Variants in RGP1 observed in about 807,000 individuals in gnomAD.
The protein encoded by RGP1 is RAB6A-GEF complex partner protein 2.
Under a neutral mutation model 44.5 loss-of-function variants are expected in RGP1, and 28 were observed. The observed-to-expected ratio is 0.63, with a 90% CI of 0.47 to 0.86. The LOEUF (loss-of-function observed/expected upper bound fraction) is 0.86. RGP1 is among the 40% of genes least tolerant of loss of function. The pLI, the probability that RGP1 is intolerant of heterozygous loss-of-function variation, is 0.00. For missense variants in RGP1, 417 were observed against 490.7 expected, an observed-to-expected ratio of 0.85 and a Z score of 1.42; for synonymous variants, 212 against 196.7, an observed-to-expected ratio of 1.08 and a Z score of -0.65.
chr9:35,770,889 A>G, the RGP1 span, among the ~76,000 whole-genome samples: 1 of 152,226 alleles, frequency 6.6e-6, no homozygotes, highest in Non-Finnish European at 1.5e-5. Flanking sequence ...CCTGAACTCC[A>G]GGAAGTAGCA....
rs748186573 is a variant in RGP1, at chr9:35,749,748, G to A, written c.-8G>A. ...TTGTTTCCTTCTAGATCTGATTCCG[G>A]AGCTGCCATGATTGAAGTGGTAGCA... On this transcript the variant is annotated 5_prime_UTR_variant, in exon 2 of 9. Coordinates refer to ENST00000378078, the MANE Select transcript of RGP1 (RefSeq NM_001080496.3). This position sits in a 1 kb window ranked among gnomAD's most constrained non-coding sequence, Gnocchi z 4.4. 1 of 1,600,498 alleles carries A rather than the reference G, an allele frequency of 6.2e-7. No individual in the cohort carries two copies. Among genetic ancestry groups the A allele is most frequent in the South Asian group, 1.1e-5 (1 of 90,570 alleles).
the RGP1 span, among the ~76,000 whole-genome samples, chr9:35,789,339 T>TC: frequency 6.7e-6 from 1 of 150,244 alleles, no homozygotes; most frequent in East Asian, 1.9e-4. Flanking sequence ...CTTTTTTTTT[T>TC]TTTTTTTTTT....
the RGP1 span, among the ~76,000 whole-genome samples, chr9:35,769,333 C>T: frequency 1.3e-5 from 2 of 152,246 alleles, no homozygotes; most frequent in South Asian, 2.1e-4. Flanking sequence ...TGTTATCTCT[C>T]CTCACCCTGA....
chr9:35,773,083 T>C, the RGP1 span, among the ~76,000 whole-genome samples: 1 of 152,024 alleles, frequency 6.6e-6, no homozygotes, highest in Non-Finnish European at 1.5e-5. Context: ...ATTGCAAAAG[T>C]AATACATAAT....
the RGP1 span, among the ~76,000 whole-genome samples, chr9:35,782,747 GATA>G: frequency 6.7e-6 from 1 of 149,886 alleles, no homozygotes; most frequent in South Asian, 2.1e-4. Flanking sequence ...CGCCAGGCCA[GATA>G]AAACAGACTT....
downstream of RGP1, among the ~76,000 whole-genome samples, chr9:35,761,929 A>G (rs1373012889): frequency 6.6e-6 from 1 of 152,096 alleles, no homozygotes; most frequent in Admixed American, 6.5e-5. Flanking sequence ...CGAGGCAGGC[A>G]GATCACTTGA....
chr9:35,772,674 C>T, the RGP1 span, among the ~76,000 whole-genome samples: 3 of 151,924 alleles, frequency 2.0e-5, no homozygotes, highest in South Asian at 6.3e-4. Context: ...GCCTGTAGTT[C>T]CAGCTACTCA....
At chr9:35,787,033 G>A in the RGP1 span, among the ~76,000 whole-genome samples, 2 of 151,420 alleles carry the variant, frequency 1.3e-5, no homozygotes, top group Non-Finnish European at 2.9e-5. Context: ...CCGGGAGGCG[G>A]AGCTTGCAGT....
At chr9:35,763,825 T>G in the RGP1 span, among the ~76,000 whole-genome samples, 6 of 136,306 alleles carry the variant, frequency 4.4e-5, no homozygotes, top group African/African-American at 1.4e-4. Flanking sequence ...GAGATTGCAG[T>G]GAGTCAAGAT....
downstream of RGP1, among the ~76,000 whole-genome samples, chr9:35,759,132 C>T (rs1827396211): frequency 6.6e-6 from 1 of 152,232 alleles, no homozygotes; most frequent in Non-Finnish European, 1.5e-5. Context: ...ACTTCAAACT[C>T]TCCCAACGTT....
the RGP1 span, among the ~76,000 whole-genome samples, chr9:35,772,777 C>G: frequency 7.3e-6 from 1 of 137,340 alleles, no homozygotes; most frequent in African/African-American, 2.8e-5. Context: ...GGCAACAGAG[C>G]GAGACTCTGT....
intron 2 of RGP1, among the ~76,000 whole-genome samples, 154 bp from the exon 3 acceptor site, chr9:35,750,089 T>C (rs1271307506): frequency 6.6e-6 from 1 of 152,258 alleles, no homozygotes; most frequent in Non-Finnish European, 1.5e-5. Flanking sequence ...AGTCTGCTAC[T>C]CTTTATTTAA....
the RGP1 span, among the ~76,000 whole-genome samples, chr9:35,773,904 C>T: frequency 6.6e-6 from 1 of 152,064 alleles, no homozygotes; most frequent in Non-Finnish European, 1.5e-5. Context: ...CTCCTGAGCT[C>T]AAGCAATCCT....
At position 35,754,140 on chromosome 9, in the gene RGP1, C is replaced by A; in HGVS notation, c.*1266C>A. The A allele has an allele frequency of 6.2e-7, 1 of 1,609,666 alleles. No individual in the cohort carries two copies. The highest frequency in any genetic ancestry group is 2.2e-5 in the East Asian group (1 of 44,806). ...CATCCTTAGGGCCATTGCTGCTGCA[C>A]AGCCCTCTCAGACCCTTCTTGGCCT... is the stretch of plus-strand genomic sequence containing the variant. On this transcript the variant is annotated 3_prime_UTR_variant, in exon 9 of 9. Transcript: ENST00000378078.
the RGP1 span, among the ~76,000 whole-genome samples, chr9:35,763,801 G>T: frequency 2.1e-5 from 3 of 142,778 alleles, no homozygotes; most frequent in African/African-American, 7.7e-5. Context: ...AGAATCGCTT[G>T]AACCTGGGAG....
In RGP1 at chr9:35,752,086, G is replaced by A. The variant is rs531150656; in HGVS notation, c.893G>A (p.Arg298Lys). The change falls in exon 8 of 9, where the codon AGA becomes AAA. Residue 298 changes from arginine to lysine, a missense_variant. Physicochemically the swap from Arg to Lys is conservative, Grantham distance 26. Coordinates refer to ENST00000378078, the MANE Select transcript of RGP1 (RefSeq NM_001080496.3). Reference sequence around the variant, plus strand: ...CAGGAATCCTGCCTACATACAACTAGAACCAGCTTCTCCCTCCCAATCCCT... The same window carrying A: ...CAGGAATCCTGCCTACATACAACTAAAACCAGCTTCTCCCTCCCAATCCCT... ...RHQESCLHTT[R>K]TSFSLPIPLS... The A allele has an allele frequency of 1.9e-6, 3 of 1,606,146 alleles. No individual in the cohort carries two copies. In the African/African-American group the frequency reaches 4.0e-5, roughly 21 times the overall value.
the RGP1 span, among the ~76,000 whole-genome samples, chr9:35,767,283 G>GTTTT: frequency 7.6e-4 from 82 of 108,404 alleles, 1 homozygote; most frequent in East Asian, 2.7e-3. Flanking sequence ...AAGCAAATTG[G>GTTTT]TTTTTTTTTT....
At chr9:35,764,795 G>A in the RGP1 span, among the ~76,000 whole-genome samples, 1 of 152,126 alleles carries the variant, frequency 6.6e-6, no homozygotes, top group Non-Finnish European at 1.5e-5. Context: ...CTTTAACTCA[G>A]CACACTGTTT....
At chr9:35,773,444 A>G in the RGP1 span, among the ~76,000 whole-genome samples, 1 of 152,232 alleles carries the variant, frequency 6.6e-6, no homozygotes, top group African/African-American at 2.4e-5. Context: ...ATTCTAACAC[A>G]TACTATTCCT....
Sources: gnomAD v4.1 joint callset for allele counts (sites outside exome capture counted in the v4.1 genomes callset) on GRCh38, gnomAD v4.1.1 for gene constraint, Gnocchi (gnomAD v3.1) non-coding constraint, MANE v1.5 for transcripts, NCBI Gene and HGNC (gene_info 2026-07-23, HGNC 2026-07-21) for gene names.